Variants in ASIC5 observed in about 807,000 individuals in gnomAD.
ASIC5 encodes the protein acid sensing ion channel subunit family member 5, also known as bile acid-sensitive ion channel.
A neutral mutation model predicts 51.2 loss-of-function variants in ASIC5; 52 were observed. The observed-to-expected ratio is 1.02, with a 90% CI of 0.81 to 1.28. The LOEUF (loss-of-function observed/expected upper bound fraction) is 1.28, where lower values mean the gene tolerates loss of function less well. Ranked by LOEUF, ASIC5 falls within the 50% of genes most tolerant of loss-of-function variation. ASIC5 has a pLI of 0.00. For missense variants in ASIC5, 635 were observed against 595.0 expected, an observed-to-expected ratio of 1.07 and a Z score of -0.70; for synonymous variants, 231 against 200.7, an observed-to-expected ratio of 1.15 and a Z score of -1.28.
intron 2 of ASIC5, among the ~76,000 whole-genome samples, chr4:155,859,071 T>C (rs1308645501): frequency 1.3e-5 from 2 of 151,980 alleles, no homozygotes; most frequent in African/African-American, 2.4e-5. Context: ...TGAGAAGGTA[T>C]GTGCCTTCTA....
intron 4 of ASIC5, among the ~76,000 whole-genome samples, chr4:155,845,002 C>T (rs1741208312): frequency 6.6e-6 from 1 of 151,860 alleles, no homozygotes. Flanking sequence ...CATTTTGGGT[C>T]CAACACGTGT....
chr4:155,838,345 C>T (rs749706468), intron 7 of ASIC5, among the ~76,000 whole-genome samples: 3 of 151,930 alleles, frequency 2.0e-5, no homozygotes, highest in Admixed American at 1.3e-4. Flanking sequence ...GAACTTGTCC[C>T]CAATAAATAT....
chr4:155,856,314 T>C (rs917477892), intron 2 of ASIC5, among the ~76,000 whole-genome samples: 1 of 152,070 alleles, frequency 6.6e-6, no homozygotes, highest in African/African-American at 2.4e-5. Context: ...CCACAATGTA[T>C]ACATATAATT....
At chr4:155,830,604 A>C (rs1336347888) in intron 9 of ASIC5, among the ~76,000 whole-genome samples, 1 of 152,180 alleles carries the variant, frequency 6.6e-6, no homozygotes, top group Non-Finnish European at 1.5e-5. Flanking sequence ...ATACCCTAAA[A>C]TTTACCATGT....
intron 4 of ASIC5, among the ~76,000 whole-genome samples, chr4:155,846,424 T>C (rs955138190): frequency 6.6e-6 from 1 of 152,152 alleles, no homozygotes; most frequent in African/African-American, 2.4e-5. Flanking sequence ...TCTTAAATTT[T>C]CAAAATTACC....
At position 155,852,934 on chromosome 4, in the gene ASIC5, GT is replaced by G. The variant is rs139017832; in HGVS notation, c.586-619del. 3.1e-3 allele frequency among the ~76,000 whole-genome samples: 469 copies of G among 152,110 alleles called. 2 individuals are homozygous for G. The highest frequency in any genetic ancestry group is 0.011 in the African/African-American group (455 of 41,556). On this transcript the variant is annotated intron_variant, in intron 3 of 9. Transcript: ENST00000537611. The stretch of plus-strand genomic sequence containing the variant: ...GGGAGTCAGCAGCCATTTTGGTGAG[GT>G]GTGGGGAGAACTGATACAGAAAGAA...
intron 1 of ASIC5, chr4:155,864,673 C>A (rs1362265722): frequency 6.6e-6 from 1 of 152,094 alleles, no homozygotes; most frequent in African/African-American, 2.4e-5. Flanking sequence ...TGTCAAATGG[C>A]AGCAATGGTA....
At chr4:155,838,893 A>G (rs372061596) in intron 6 of ASIC5, 24 bp from the exon 7 acceptor site, 19 of 1,341,986 alleles carry the variant, frequency 1.4e-5, no homozygotes, top group Non-Finnish European at 1.7e-5. Flanking sequence ...AGTGTAACAT[A>G]TAGAGACTTT....
At chr4:155,852,398 A>T in intron 3 of ASIC5, 82 bp from the exon 4 acceptor site, 58 of 1,203,742 alleles carry the variant, frequency 4.8e-5, no homozygotes, top group Non-Finnish European at 5.8e-5. Context: ...CTTTTTTTTT[A>T]AAGCACAAAT....
chr4:155,865,104 C>T (rs1003980877), intron 1 of ASIC5: 17 of 151,892 alleles, frequency 1.1e-4, no homozygotes, highest in Admixed American at 1.1e-3. Flanking sequence ...TGTCTATTAA[C>T]ATTTTCTAAG....
chr4:155,852,440 A>G, intron 3 of ASIC5, 124 bp from the exon 4 acceptor site: 2 of 789,594 alleles, frequency 2.5e-6, no homozygotes. Flanking sequence ...ATCAGAGAGA[A>G]TAGTCTGATT....
intron 2 of ASIC5, among the ~76,000 whole-genome samples, chr4:155,860,250 TATATA>T (rs1560753375): frequency 6.6e-6 from 1 of 151,900 alleles, no homozygotes; most frequent in East Asian, 1.9e-4. Context: ...AATATAATGA[TATATA>T]ATACTTATGT....
chr4:155,836,111 G>A (rs1740973593), intron 8 of ASIC5, among the ~76,000 whole-genome samples: 1 of 152,188 alleles, frequency 6.6e-6, no homozygotes, highest in Non-Finnish European at 1.5e-5. Flanking sequence ...TTAAGAGGCT[G>A]TATGGTATAG....
chr4:155,842,777 C>G (rs1482271869), intron 5 of ASIC5, among the ~76,000 whole-genome samples: 1 of 152,080 alleles, frequency 6.6e-6, no homozygotes, highest in Non-Finnish European at 1.5e-5. Context: ...TCAGCTAAAA[C>G]TGGGCTCTTG....
chr4:155,851,089 T>C (rs1001167484), intron 4 of ASIC5, among the ~76,000 whole-genome samples: 10 of 152,066 alleles, frequency 6.6e-5, no homozygotes, highest in Admixed American at 5.9e-4. Context: ...TGGAGAAATA[T>C]CTAAATGTTA....
intron 9 of ASIC5, among the ~76,000 whole-genome samples, chr4:155,831,399 T>C (rs780453805): frequency 1.2e-4 from 19 of 152,146 alleles, no homozygotes; most frequent in Non-Finnish European, 2.2e-4. Flanking sequence ...GAATGACAAG[T>C]TCAATTGATT....
intron 6 of ASIC5, among the ~76,000 whole-genome samples, chr4:155,841,283 G>C (rs1014446209): frequency 2.0e-5 from 3 of 152,150 alleles, no homozygotes; most frequent in Non-Finnish European, 4.4e-5. Context: ...GTGGGAGGGG[G>C]ATGTAAGAGA....
Position 155,829,968 on chromosome 4 carries a change from G to C in ASIC5, c.1406C>G (p.Thr469Ser), listed in dbSNP as rs747060952. Reference sequence around the variant, plus strand: ...GAAAATGCATATCCAGTAGAAATTGGTGAATAGATATTCAATAATTTCTAT... The same window carrying C: ...GAAAATGCATATCCAGTAGAAATTGCTGAATAGATATTCAATAATTTCTAT... ...TIIEIIEYLFTNFYWICIFFL... is the reference protein window; with the variant it reads ...TIIEIIEYLFSNFYWICIFFL... Residue 469 changes from threonine (T) to serine (S), a missense_variant, in exon 10 of 10, where the codon ACC (threonine) becomes AGC (serine). Transcript: ENST00000537611. 4.6e-5 allele frequency: 74 copies of C among 1,601,480 alleles called. No individual in the cohort carries two copies. Among genetic ancestry groups the C allele is most frequent in the Non-Finnish European group, 5.6e-5 (66 of 1,173,764 alleles).
In ASIC5 at chr4:155,858,853, A is replaced by T. The variant is rs376697439; in HGVS notation, c.348-4539T>A. 7 of 152,232 alleles carry T rather than the reference A, an allele frequency of 4.6e-5. No homozygotes were observed. In the East Asian group the frequency reaches 9.7e-4, roughly 21 times the overall value. 9.4% of individuals were successfully genotyped at this position (152,232 alleles called of 1,614,324 possible). On this transcript the variant is annotated intron_variant, in intron 2 of 9. Transcript: ENST00000537611. ...GAATCTTCATTTTTATATAGGATAA[A>T]GTAAACATAGACCAGAGGAAGAAGT...
Sources: gnomAD v4.1 joint callset for allele counts (sites outside exome capture counted in the v4.1 genomes callset) on GRCh38, gnomAD v4.1.1 for gene constraint, MANE v1.5 for transcripts, NCBI Gene and HGNC (gene_info 2026-07-23, HGNC 2026-07-21) for gene names.